The following ANO4 variants were observed in gnomAD, a reference collection of about 807,000 sequenced individuals.
ANO4 encodes the protein anoctamin-4.
In ANO4, 69 loss-of-function variants were observed where a neutral mutation model predicts 141.9. That is an observed-to-expected ratio of 0.49 (90% CI 0.40 to 0.59). The LOEUF is 0.59. Among genes scored for constraint, ANO4 ranks in the 20% least tolerant of loss-of-function variants. ANO4 has a pLI of 0.00. For missense variants in ANO4, 894 were observed against 1,162.2 expected (o/e 0.77, Z 3.36); for synonymous variants, 350 against 394.3 (o/e 0.89, Z 1.33).
At chr12:101,025,971 G>A (rs11610962) in intron 9 of ANO4, among the ~76,000 whole-genome samples, 38,726 of 152,030 alleles carry the variant, frequency 0.25, 5,080 homozygotes, top group Non-Finnish European at 0.28. Flanking sequence ...TTAAAATTAT[G>A]CTTAATGATA....
rs569035022 is a variant in ANO4, at chr12:100,813,436, G to A, written c.-141+18409G>A. On this transcript the variant is annotated intron_variant, in intron 1 of 27. Transcript: ENST00000392977. ...GCTCAGTCTCATTTCTCACCTTCCCGTTTACAATCCCTCTTTTTCCATTTT... is the reference window on the plus strand; with the variant it reads ...GCTCAGTCTCATTTCTCACCTTCCCATTTACAATCCCTCTTTTTCCATTTT... 2.4e-3 allele frequency among the ~76,000 whole-genome samples: 358 copies of A among 152,182 alleles called. 2 individuals are homozygous for A. The highest frequency in any genetic ancestry group is 8.2e-3 in the African/African-American group (340 of 41,544).
intron 3 of ANO4, among the ~76,000 whole-genome samples, chr12:100,770,040 A>G (rs1280998610): frequency 6.6e-6 from 1 of 152,228 alleles, no homozygotes; most frequent in Admixed American, 6.5e-5. Context: ...AAAACACGTT[A>G]TATTACTTTT....
At chr12:100,935,225 G>A (rs1011886486) in intron 3 of ANO4, among the ~76,000 whole-genome samples, 3 of 152,042 alleles carry the variant, frequency 2.0e-5, no homozygotes, top group Admixed American at 6.6e-5. Context: ...ATTGGCTGTG[G>A]GTTTGTCATA....
chr12:100,883,794 A>G (rs943627800), intron 1 of ANO4, among the ~76,000 whole-genome samples: 4 of 152,270 alleles, frequency 2.6e-5, no homozygotes, highest in African/African-American at 9.6e-5. Context: ...AAAAAAGATC[A>G]TATAGAATGA....
chr12:100,918,381 C>T (rs1342885871), intron 2 of ANO4, among the ~76,000 whole-genome samples: 1 of 152,132 alleles, frequency 6.6e-6, no homozygotes, highest in Non-Finnish European at 1.5e-5. Context: ...AAGTATAAAA[C>T]AAAATCTACC....
intron 1 of ANO4, among the ~76,000 whole-genome samples, chr12:100,871,713 G>C (rs995962682): frequency 1.3e-5 from 2 of 152,138 alleles, no homozygotes; most frequent in Non-Finnish European, 2.9e-5. Flanking sequence ...CCAGCTTCCT[G>C]GTTCATACAT....
At chr12:100,831,402 G>T (rs1263949119) in intron 1 of ANO4, among the ~76,000 whole-genome samples, 1 of 152,084 alleles carries the variant, frequency 6.6e-6, no homozygotes, top group Admixed American at 6.6e-5. Context: ...TTCTGTTTTT[G>T]AACAGGTTAT....
At chr12:101,044,968 T>C (rs922544731) in intron 13 of ANO4, among the ~76,000 whole-genome samples, 2 of 150,706 alleles carry the variant, frequency 1.3e-5, no homozygotes, top group Non-Finnish European at 3.0e-5. Context: ...AAAATTCTGC[T>C]TCTGGGGAAA....
In ANO4 at chr12:101,006,092, CTT is replaced by C. The variant is rs376758050; in HGVS notation, c.735-13940_735-13939del. 6.4e-4 allele frequency among the ~76,000 whole-genome samples: 98 copies of C among 152,184 alleles called. 4 individuals are homozygous for C. In the South Asian group the frequency reaches 0.019, roughly 30 times the overall value. On this transcript the variant is annotated intron_variant, in intron 8 of 27. Coordinates refer to ENST00000392977, the MANE Select transcript of ANO4 (RefSeq NM_001286615.2). ...ATATCCTTTTGTTAGATAACTGACT[CTT>C]TAAAATATTTATTGATGCAACCAAT...
At chr12:101,063,153 C>T (rs1282054155) in intron 14 of ANO4, among the ~76,000 whole-genome samples, 1 of 152,206 alleles carries the variant, frequency 6.6e-6, no homozygotes, top group East Asian at 1.9e-4. Context: ...TCCCCGACCC[C>T]TTGTGCTTCC....
intron 1 of ANO4, among the ~76,000 whole-genome samples, chr12:100,867,567 A>G (rs2038811015): frequency 6.6e-6 from 1 of 151,236 alleles, no homozygotes; most frequent in Non-Finnish European, 1.5e-5. Flanking sequence ...ACCCATTCCA[A>G]TGTTAGTCTC....
At chr12:100,739,914 A>G (rs995473563) in exon 3 of ANO4, 3 of 702,458 alleles carry the variant, frequency 4.3e-6, no homozygotes, top group South Asian at 1.5e-5. Context: ...CCATACGTAC[A>G]AGGCAGACCA....
At chr12:100,999,423 T>G (rs2045539443) in intron 8 of ANO4, among the ~76,000 whole-genome samples, 1 of 152,240 alleles carries the variant, frequency 6.6e-6, no homozygotes, top group Non-Finnish European at 1.5e-5. Flanking sequence ...TCTTCCATTT[T>G]TAGGGACCCT....
rs143813217 is a variant in ANO4, at chr12:101,022,930, G to A, written c.841+2790G>A. 2.4e-3 allele frequency among the ~76,000 whole-genome samples: 371 copies of A among 152,148 alleles called. 2 individuals carry two copies. Among genetic ancestry groups the A allele is most frequent in the African/African-American group, 8.3e-3 (345 of 41,496 alleles). On this transcript the variant is annotated intron_variant, in intron 9 of 27. Transcript: ENST00000392977. ...AATTTTTTGTATTTTTAGTGGAGAC[G>A]GGGTTTCACTATGTTGGCCAGGCTG...
chr12:100,790,242 G>C (rs182845374), upstream of ANO4, among the ~76,000 whole-genome samples: 1 of 152,240 alleles, frequency 6.6e-6, no homozygotes, highest in African/African-American at 2.4e-5. Flanking sequence ...TCAGGTTGCA[G>C]AGGGCTTTGA....
chr12:101,076,075 A>G (rs1266448220), intron 14 of ANO4, among the ~76,000 whole-genome samples: 2 of 152,204 alleles, frequency 1.3e-5, no homozygotes, highest in African/African-American at 4.8e-5. Flanking sequence ...ATTGAGTACT[A>G]TAATGGAAGA....
intron 6 of ANO4, among the ~76,000 whole-genome samples, chr12:100,972,953 C>A (rs904461849): frequency 2.0e-5 from 3 of 152,256 alleles, no homozygotes; most frequent in African/African-American, 7.2e-5. Context: ...AATAACACTT[C>A]TGCATGCCTA....
intron 3 of ANO4, among the ~76,000 whole-genome samples, chr12:100,778,762 T>A (rs1195765240): frequency 1.3e-5 from 2 of 152,270 alleles, no homozygotes; most frequent in Non-Finnish European, 2.9e-5. Flanking sequence ...GATTTCCCAA[T>A]ATTTCATCAC....
chr12:100,921,878 A>T (rs1282032178), intron 2 of ANO4, among the ~76,000 whole-genome samples: 1 of 152,192 alleles, frequency 6.6e-6, no homozygotes, highest in Non-Finnish European at 1.5e-5. Flanking sequence ...GTCACATTTA[A>T]TCCATGTGGA....
Sources: allele counts gnomAD v4.1 joint callset (sites outside exome capture counted in the v4.1 genomes callset), GRCh38; gene constraint gnomAD v4.1.1; transcripts MANE v1.5; gene names NCBI Gene and HGNC (gene_info 2026-07-23, HGNC 2026-07-21).